Variants in MYRFL observed in about 807,000 individuals in gnomAD.
MYRFL encodes myelin regulatory factor like.
MYRFL carries 88 observed loss-of-function variants against 109.4 expected under a neutral mutation model. That is an observed-to-expected ratio of 0.80 (90% CI 0.68 to 0.96). The LOEUF (loss-of-function observed/expected upper bound fraction) is 0.96, where lower values mean the gene tolerates loss of function less well. Ranked by LOEUF, MYRFL falls within the 40% of genes least tolerant of loss-of-function variation. MYRFL has a pLI of 0.00. For missense variants in MYRFL, 957 were observed against 954.9 expected (o/e 1.00, Z -0.03); for synonymous variants, 324 against 320.9 (o/e 1.01, Z -0.10).
chr12:69,853,032 C>T lies in MYRFL; in HGVS notation c.47-2248C>T, dbSNP rs117630441. On this transcript the variant is annotated intron_variant, in intron 1 of 24. Transcript: ENST00000552032. ...ATCTGATTTCTCTTTCTTTTCCCCA[C>T]ATTTCCCCCTTTTTCTGTTCGACAA... Among the ~76,000 whole-genome samples, 834 of 152,362 alleles carry T rather than the reference C, an allele frequency of 5.5e-3. 4 individuals carry two copies. The highest frequency in any genetic ancestry group is 9.0e-3 in the Non-Finnish European group (613 of 68,030).
intron 5 of MYRFL, among the ~76,000 whole-genome samples, chr12:69,882,656 G>A (rs547972151): frequency 7.2e-5 from 11 of 152,254 alleles, no homozygotes; most frequent in African/African-American, 1.9e-4. Flanking sequence ...GGTTGGCGTG[G>A]GCAAATGTAA....
chr12:69,860,298 T>C (rs10748139), intron 2 of MYRFL, among the ~76,000 whole-genome samples: 1 of 152,124 alleles, frequency 6.6e-6, no homozygotes. Flanking sequence ...TTTTATGGTT[T>C]TATAGTATTC....
intron 2 of MYRFL, among the ~76,000 whole-genome samples, chr12:69,862,883 G>T (rs1884777419): frequency 6.6e-6 from 1 of 152,072 alleles, no homozygotes; most frequent in South Asian, 2.1e-4. Flanking sequence ...ATTGGCTGTG[G>T]GTTTGTCATA....
At chr12:69,849,792 G>A (rs949979346) in intron 1 of MYRFL, among the ~76,000 whole-genome samples, 2 of 152,168 alleles carry the variant, frequency 1.3e-5, no homozygotes, top group African/African-American at 4.8e-5. Flanking sequence ...TTTTTCCAAA[G>A]TTTAAAATTA....
intron 1 of MYRFL, among the ~76,000 whole-genome samples, chr12:69,849,502 C>T (rs1437562900): frequency 6.6e-6 from 1 of 152,150 alleles, no homozygotes. Context: ...TTTATGCTAG[C>T]TTCATGAAAA....
chr12:69,904,857 A>G (rs1332762208), intron 11 of MYRFL, among the ~76,000 whole-genome samples: 1 of 152,076 alleles, frequency 6.6e-6, no homozygotes, highest in Non-Finnish European at 1.5e-5. Flanking sequence ...AGAAGTCCTA[A>G]TCTGTTCACT....
intron 8 of MYRFL, among the ~76,000 whole-genome samples, chr12:69,894,107 C>T (rs185859391): frequency 2.8e-3 from 415 of 149,844 alleles, no homozygotes; most frequent in Non-Finnish European, 3.5e-3. Context: ...AGGGATTCTC[C>T]TGCCTCAGCC....
At chr12:69,856,639 T>G (rs1884304259) in intron 2 of MYRFL, among the ~76,000 whole-genome samples, 1 of 152,070 alleles carries the variant, frequency 6.6e-6, no homozygotes. Flanking sequence ...TGTGCATTTT[T>G]CTAATAACTA....
intron 2 of MYRFL, among the ~76,000 whole-genome samples, chr12:69,877,819 A>T (rs1264504233): frequency 6.6e-6 from 1 of 152,222 alleles, no homozygotes; most frequent in African/African-American, 2.4e-5. Context: ...CAAGCAAGAG[A>T]ATCAAGTAGA....
chr12:69,843,493 A>G (rs550320716), intron 1 of MYRFL, among the ~76,000 whole-genome samples: 2 of 152,364 alleles, frequency 1.3e-5, no homozygotes, highest in South Asian at 4.1e-4. Context: ...GGATGGAAAT[A>G]AGAAAAGATC....
intron 2 of MYRFL, among the ~76,000 whole-genome samples, chr12:69,869,954 G>A (rs1352595092): frequency 6.6e-6 from 1 of 152,044 alleles, no homozygotes; most frequent in Non-Finnish European, 1.5e-5. Flanking sequence ...CCCTCTTTTG[G>A]TTCACATAGA....
At chr12:69,929,352 A>AGAT (rs1955198752) in intron 15 of MYRFL, among the ~76,000 whole-genome samples, 1 of 152,168 alleles carries the variant, frequency 6.6e-6, no homozygotes, top group Admixed American at 6.5e-5. Context: ...TAGCCAGGGA[A>AGAT]GATTGGAAAA....
At chr12:69,907,919 G>A (rs544691696) in intron 11 of MYRFL, among the ~76,000 whole-genome samples, 1 of 152,280 alleles carries the variant, frequency 6.6e-6, no homozygotes, top group South Asian at 2.1e-4. Context: ...AGGGCTATAT[G>A]AGATTGTGAC....
Position 69,910,036 on chromosome 12 carries a change from A to G in MYRFL, c.1451A>G (p.Glu484Gly). The G allele has an allele frequency of 6.5e-7, 1 of 1,534,836 alleles. No individual in the cohort carries two copies. Residue 484 changes from glutamate to glycine, a missense_variant, in exon 12 of 25, where the codon GAA (glutamate) becomes GGA (glycine). Coordinates refer to ENST00000552032, the MANE Select transcript of MYRFL (RefSeq NM_182530.3). ...ATTGTTGAATATGACTACAAACCTG[A>G]ATTTGCATCTGCAATGGGAATAAAC... is the stretch of plus-strand genomic sequence containing the variant. ...MRIVEYDYKP[E>G]FASAMGINTA...
At chr12:69,855,981 T>A (rs1223214641) in intron 2 of MYRFL, among the ~76,000 whole-genome samples, 55 of 152,330 alleles carry the variant, frequency 3.6e-4, no homozygotes, top group Non-Finnish European at 1.2e-4. Flanking sequence ...CAAATTTTTG[T>A]ATAAATTTCT....
chr12:69,932,602 A>G lies in MYRFL; in HGVS notation c.1916+4A>G. 2 of 1,534,154 alleles carry G rather than the reference A, an allele frequency of 1.3e-6. No individual in the cohort carries two copies. Among genetic ancestry groups the G allele is most frequent in the Non-Finnish European group, 1.7e-6 (2 of 1,145,110 alleles). On this transcript the variant is annotated splice_donor_region_variant and intron_variant, in intron 16 of 24. Transcript: ENST00000552032. ...TGATTGCTGTGATGGCATTTTGGTA[A>G]GAAAAAGTTCACTGTTATGCCATGT...
chr12:69,930,254 A>G (rs111331926), intron 15 of MYRFL, among the ~76,000 whole-genome samples: 1 of 152,226 alleles, frequency 6.6e-6, no homozygotes, highest in African/African-American at 2.4e-5. Context: ...AGTGGGTCTT[A>G]CCAGCTGGTA....
At chr12:69,856,528 C>A (rs1884297182) in intron 2 of MYRFL, among the ~76,000 whole-genome samples, 1 of 151,948 alleles carries the variant, frequency 6.6e-6, no homozygotes. Context: ...CATGAGATAT[C>A]CAATTGCTTC....
rs115239154 is a variant in MYRFL at position 69,856,561 on chromosome 12, A to T, written c.137+1191A>T. On this transcript the variant is annotated intron_variant, in intron 2 of 24. Transcript: ENST00000552032. ...TTCTCTTCATTGCCAATTCTTGGGT[A>T]TTATGAGTTTAAAATTGTTTTTATT... Among the ~76,000 whole-genome samples the T allele has an allele frequency of 5.5e-3, 836 of 152,180 alleles. 10 individuals are homozygous for T. Among genetic ancestry groups the T allele is most frequent in the African/African-American group, 0.018 (749 of 41,572 alleles).
Sources: gnomAD v4.1 joint callset for allele counts (sites outside exome capture counted in the v4.1 genomes callset) on GRCh38, gnomAD v4.1.1 for gene constraint, MANE v1.5 for transcripts, NCBI Gene and HGNC (gene_info 2026-07-23, HGNC 2026-07-21) for gene names.